Variants in TMEM14A observed in about 807,000 individuals in gnomAD.
TMEM14A encodes transmembrane protein 14A.
Under a neutral mutation model 11.6 loss-of-function variants are expected in TMEM14A, and 8 were observed. That is an observed-to-expected ratio of 0.69 (90% CI 0.40 to 1.24). The LOEUF is 1.24. Ranked by LOEUF, TMEM14A falls within the 50% of genes most tolerant of loss-of-function variation. TMEM14A has a pLI of 0.01. For synonymous variants in TMEM14A, 34 were observed against 45.5 expected (o/e 0.75, Z 1.02); for missense variants, 108 against 121.9 (o/e 0.89, Z 0.54).
chr6:52,684,218 T>C, intron 4 of TMEM14A, 53 bp downstream of exon 4: 2 of 1,511,258 alleles, frequency 1.3e-6, no homozygotes, highest in Non-Finnish European at 9.0e-7. Flanking sequence ...TTTGAAGTGC[T>C]GAATTTTTGG....
intron 1 of TMEM14A, among the ~76,000 whole-genome samples, chr6:52,676,075 A>G (rs1201399608): frequency 6.6e-6 from 1 of 152,222 alleles, no homozygotes. Flanking sequence ...AGTTCAGTGA[A>G]GAGACCTGGC....
chr6:52,676,686 C>G (rs566631053), intron 1 of TMEM14A, among the ~76,000 whole-genome samples: 1 of 152,268 alleles, frequency 6.6e-6, no homozygotes, highest in East Asian at 1.9e-4. Context: ...GAGGTTTAAT[C>G]AACTCAACTT....
chr6:52,684,034 T>TGGG, intron 3 of TMEM14A, 44 bp from the exon 4 acceptor site: 1 of 1,572,904 alleles, frequency 6.4e-7, no homozygotes, highest in Admixed American at 1.7e-5. Flanking sequence ...CAAGCATTGA[T>TGGG]AACATGTTTG....
At chr6:52,672,307 G>C (rs1277255713) in intron 1 of TMEM14A, among the ~76,000 whole-genome samples, 1 of 140,374 alleles carries the variant, frequency 7.1e-6, no homozygotes, top group Non-Finnish European at 1.6e-5. Flanking sequence ...AAAAGGGTAT[G>C]GGTCCTCAAG....
intron 3 of TMEM14A, among the ~76,000 whole-genome samples, chr6:52,682,595 GGTT>G (rs1178184612): frequency 3.5e-4 from 45 of 129,668 alleles, no homozygotes; most frequent in East Asian, 4.1e-4. Context: ...AGAGATTTGG[GGTT>G]TTTTTTTTTT....
chr6:52,680,939 G>A (rs1373965633), intron 2 of TMEM14A, among the ~76,000 whole-genome samples: 1 of 150,474 alleles, frequency 6.6e-6, no homozygotes, highest in Non-Finnish European at 1.5e-5. Context: ...TGTGTATTGT[G>A]TGTGTATGCA....
intron 2 of TMEM14A, among the ~76,000 whole-genome samples, chr6:52,678,487 C>G (rs1769305748): frequency 6.6e-6 from 1 of 152,098 alleles, no homozygotes; most frequent in African/African-American, 2.4e-5. Flanking sequence ...TCCACCTGCA[C>G]AATATGGTTT....
chr6:52,678,466 A>G (rs1379851699), intron 2 of TMEM14A, among the ~76,000 whole-genome samples: 1 of 152,106 alleles, frequency 6.6e-6, no homozygotes, highest in Non-Finnish European at 1.5e-5. Flanking sequence ...TCTGATTTCA[A>G]GGGCTTGTTG....
chr6:52,673,909 A>T (rs1199543466), intron 1 of TMEM14A, among the ~76,000 whole-genome samples: 1 of 152,242 alleles, frequency 6.6e-6, no homozygotes, highest in Non-Finnish European at 1.5e-5. Flanking sequence ...TAATAGCCTT[A>T]CACATGTCAA....
In TMEM14A at chr6:52,686,086, C is replaced by A; in HGVS notation, c.*37C>A. The A allele has an allele frequency of 6.3e-7, 1 of 1,595,560 alleles. No homozygotes were observed. The highest frequency in any genetic ancestry group is 1.1e-5 in the South Asian group (1 of 88,810). ...AACAGAAAACTAAGTTCATGTCATCCTGCTGTAATGGGCAGAGCATATTTT... is the reference window on the plus strand; with the variant it reads ...AACAGAAAACTAAGTTCATGTCATCATGCTGTAATGGGCAGAGCATATTTT... On this transcript the variant is annotated 3_prime_UTR_variant, in exon 5 of 5. Coordinates refer to ENST00000211314, the MANE Select transcript of TMEM14A (RefSeq NM_014051.4).
Position 52,671,640 on chromosome 6 carries a change from C to A in TMEM14A, c.-17+395C>A, listed in dbSNP as rs572474621. Reference sequence around the variant, plus strand: ...GCTCAAGGGTAGGTAATTGTTATATCTTTAGCATGTGAAAATGCTTTTTAT... The same window carrying A: ...GCTCAAGGGTAGGTAATTGTTATATATTTAGCATGTGAAAATGCTTTTTAT... On this transcript the variant is annotated intron_variant, in intron 1 of 4. Transcript: ENST00000211314. 8.5e-5 allele frequency among the ~76,000 whole-genome samples: 13 copies of A among 152,238 alleles called. 1 individual carries two copies. The East Asian group carries it at 1.2e-3, about 14-fold the overall frequency.
At chr6:52,675,519 G>C (rs1769240372) in intron 1 of TMEM14A, among the ~76,000 whole-genome samples, 1 of 152,222 alleles carries the variant, frequency 6.6e-6, no homozygotes, top group Non-Finnish European at 1.5e-5. Flanking sequence ...TGGCTGGCAC[G>C]CTATCTACTG....
intron 3 of TMEM14A, among the ~76,000 whole-genome samples, chr6:52,682,512 T>C (rs1349541229): frequency 6.6e-6 from 1 of 151,978 alleles, no homozygotes; most frequent in African/African-American, 2.4e-5. Context: ...TGATTTATTA[T>C]TCAAAGTGCC....
At chr6:52,680,159 C>G (rs187936995) in intron 2 of TMEM14A, among the ~76,000 whole-genome samples, 3 of 152,042 alleles carry the variant, frequency 2.0e-5, no homozygotes, top group East Asian at 1.9e-4. Context: ...GACTGACATT[C>G]AATCCATGAA....
chr6:52,678,159 A>G (rs977048321), intron 2 of TMEM14A, among the ~76,000 whole-genome samples: 2 of 152,240 alleles, frequency 1.3e-5, no homozygotes, highest in Non-Finnish European at 2.9e-5. Context: ...GAAAGAACTC[A>G]GTTTAAAATG....
chr6:52,686,485 T>C lies in TMEM14A; in HGVS notation c.*436T>C, dbSNP rs1769496382. The C allele has an allele frequency of 2.6e-6, 1 of 383,874 alleles. No individual in the cohort carries two copies. The highest frequency in any genetic ancestry group is 2.1e-5 in the African/African-American group (1 of 48,342). 23.8% of individuals were successfully genotyped at this position (383,874 alleles called of 1,614,324 possible). On this transcript the variant is annotated 3_prime_UTR_variant, in exon 5 of 5. Transcript: ENST00000211314. Reference sequence around the variant, plus strand: ...TATGCTTTTTCCATTTTAATTGTATTGCTGCCAGTGCTATTTTTTTCTTTA... The same window carrying C: ...TATGCTTTTTCCATTTTAATTGTATCGCTGCCAGTGCTATTTTTTTCTTTA...
intron 2 of TMEM14A, among the ~76,000 whole-genome samples, chr6:52,681,396 TA>T (rs1561875403): frequency 6.6e-6 from 1 of 152,174 alleles, no homozygotes; most frequent in Non-Finnish European, 1.5e-5. Context: ...CTCTATAAAC[TA>T]AAACTACCTT....
chr6:52,685,634 G>A (rs985958139), intron 4 of TMEM14A, among the ~76,000 whole-genome samples: 64 of 151,810 alleles, frequency 4.2e-4, no homozygotes, highest in African/African-American at 1.5e-3. Flanking sequence ...TTATGGATCC[G>A]GAAGAAGGCC....
chr6:52,677,014 T>C, intron 1 of TMEM14A, 73 bp from the exon 2 acceptor site: 1 of 1,390,344 alleles, frequency 7.2e-7, no homozygotes, highest in Middle Eastern at 1.8e-4. Flanking sequence ...CATATAAGCG[T>C]ATCATTTTTA....
Sources: allele counts gnomAD v4.1 joint callset (sites outside exome capture counted in the v4.1 genomes callset), GRCh38; gene constraint gnomAD v4.1.1; transcripts MANE v1.5; gene names NCBI Gene and HGNC (gene_info 2026-07-23, HGNC 2026-07-21).